The following HIGD1A variants were observed in gnomAD, a reference collection of about 807,000 sequenced individuals.
HIGD1A encodes the protein HIG1 hypoxia inducible domain family member 1A.
Under a neutral mutation model 11.3 loss-of-function variants are expected in HIGD1A, and 8 were observed. The observed-to-expected ratio is 0.71, with a 90% CI of 0.42 to 1.28. HIGD1A has a LOEUF of 1.28. Among genes scored for constraint, HIGD1A ranks in the 50% most tolerant of loss-of-function variants. HIGD1A has a pLI of 0.01. For synonymous variants in HIGD1A, 32 were observed against 38.4 expected (o/e 0.83, Z 0.62); for missense variants, 107 against 118.8 (o/e 0.90, Z 0.46).
At chr3:42,788,004 T>C (rs1700372580) in intron 2 of HIGD1A, among the ~76,000 whole-genome samples, 1 of 87,864 alleles carries the variant, frequency 1.1e-5, no homozygotes, top group East Asian at 3.6e-4. Flanking sequence ...AATCAAAACG[T>C]AAAACAACCA....
At chr3:42,804,143 C>A (rs749638396) in intron 1 of HIGD1A, 1 of 1,606,700 alleles carries the variant, frequency 6.2e-7, no homozygotes, top group South Asian at 1.1e-5. Flanking sequence ...ACCACCCCAT[C>A]AGCGAGTCTT....
intron 2 of HIGD1A, among the ~76,000 whole-genome samples, chr3:42,790,851 A>G (rs1355219407): frequency 1.3e-5 from 2 of 151,950 alleles, no homozygotes; most frequent in Non-Finnish European, 2.9e-5. Flanking sequence ...CCCAGACTAG[A>G]GTTCAGTGGG....
chr3:42,792,095 C>T (rs1185887871), intron 2 of HIGD1A, among the ~76,000 whole-genome samples: 1 of 152,128 alleles, frequency 6.6e-6, no homozygotes, highest in Non-Finnish European at 1.5e-5. Context: ...AAAACACTGA[C>T]AGACTGTGCA....
At chr3:42,800,543 ACT>A (rs1700543087) in intron 1 of HIGD1A, among the ~76,000 whole-genome samples, 1 of 148,634 alleles carries the variant, frequency 6.7e-6, no homozygotes. Context: ...CCCTTCAGAT[ACT>A]CTTTCCTAGC....
chr3:42,796,777 T>TCCCA (rs1700505134), intron 1 of HIGD1A, among the ~76,000 whole-genome samples: 1 of 152,042 alleles, frequency 6.6e-6, no homozygotes, highest in Non-Finnish European at 1.5e-5. Context: ...AGCCAGTTTA[T>TCCCA]TGATCTGGGT....
At chr3:42,795,487 T>A (rs1380530454) in intron 1 of HIGD1A, among the ~76,000 whole-genome samples, 1 of 152,104 alleles carries the variant, frequency 6.6e-6, no homozygotes, top group African/African-American at 2.4e-5. Context: ...GTGTTGGGAT[T>A]ACAGGCATGA....
rs1700313871 is a variant in HIGD1A, at chr3:42,783,942, G to A, written c.*1329C>T. 6.6e-6 allele frequency among the ~76,000 whole-genome samples: 1 copy of A among 152,082 alleles called. No individual in the cohort carries two copies. The highest frequency in any genetic ancestry group is 1.5e-5 in the Non-Finnish European group (1 of 68,018). ...TATACAAAAATTAGCCAGGCATGTT[G>A]GTGCATGCCTGTAATCACAGCTACT... On this transcript the variant is annotated 3_prime_UTR_variant, in exon 4 of 4. Transcript: ENST00000321331.
At chr3:42,787,594 A>AATATATATATATAT (rs1163603645) in intron 2 of HIGD1A, among the ~76,000 whole-genome samples, 4 of 141,246 alleles carry the variant, frequency 2.8e-5, no homozygotes, top group African/African-American at 1.0e-4. Flanking sequence ...CCATCTCAAA[A>AATATATATATATAT]ATATATATAT....
At chr3:42,785,511 A>G (rs2125923321) in intron 3 of HIGD1A, among the ~76,000 whole-genome samples, 191 bp from the exon 4 acceptor site, 1 of 152,336 alleles carries the variant, frequency 6.6e-6, no homozygotes, top group Middle Eastern at 3.4e-3. Flanking sequence ...TGTTACATAC[A>G]GTAGTTTCCC....
rs1700324389 is a variant in HIGD1A, at chr3:42,784,493, T to C, written c.*778A>G. ...AATCCATTATAGGTAATTTGTTCAG[T>C]TCAATGTTTACAATTCTTATGGAAA... On this transcript the variant is annotated 3_prime_UTR_variant, in exon 4 of 4. Transcript: ENST00000321331. The C allele has an allele frequency of 6.6e-6, 1 of 152,648 alleles. No homozygotes were observed. The highest frequency in any genetic ancestry group is 2.4e-5 in the African/African-American group (1 of 41,468). The allele number at this position is 152,648 out of a possible 1,614,324, so 9.5% of individuals were successfully genotyped here.
chr3:42,795,204 C>G (rs1428708967), intron 1 of HIGD1A, among the ~76,000 whole-genome samples: 1 of 144,592 alleles, frequency 6.9e-6, no homozygotes, highest in African/African-American at 2.6e-5. Context: ...AGCCACTGTG[C>G]CAGCTTATGA....
At chr3:42,804,089 G>T in intron 1 of HIGD1A, 4 of 1,403,634 alleles carry the variant, frequency 2.8e-6, no homozygotes, top group Non-Finnish European at 3.9e-6. Context: ...CTCGCTCCCC[G>T]CCGTCGGGCC....
At position 42,804,123 on chromosome 3, in the gene HIGD1A, G is replaced by A. The variant is rs1027211957; in HGVS notation, c.-23+313C>T. On this transcript the variant is annotated intron_variant, in intron 1 of 3. Transcript: ENST00000321331. The stretch of plus-strand genomic sequence containing the variant: ...CCCAGTCAACACCCTCCTGGCCCCC[G>A]TCTCTCATTACCACCCCATCAGCGA... 3 of 1,582,308 alleles carry A rather than the reference G, an allele frequency of 1.9e-6. No homozygotes were observed. In the African/African-American group the frequency reaches 4.1e-5, roughly 21 times the overall value.
At chr3:42,793,171 T>A (rs942964055) in intron 2 of HIGD1A, among the ~76,000 whole-genome samples, 5 of 152,206 alleles carry the variant, frequency 3.3e-5, no homozygotes, top group Non-Finnish European at 5.9e-5. Flanking sequence ...AAGGTAATTT[T>A]AAAATTCTCT....
intron 2 of HIGD1A, 24 bp downstream of exon 2, chr3:42,794,133 T>G (rs1700463367): frequency 1.9e-6 from 3 of 1,596,032 alleles, no homozygotes; most frequent in South Asian, 1.1e-5. Context: ...TATTCAAGAC[T>G]ACTAAAATGT....
At chr3:42,803,090 T>G (rs1700589044) in intron 1 of HIGD1A, among the ~76,000 whole-genome samples, 1 of 152,246 alleles carries the variant, frequency 6.6e-6, no homozygotes, top group Admixed American at 6.5e-5. Context: ...TATCGTTTTC[T>G]CATCCACCCA....
intron 1 of HIGD1A, among the ~76,000 whole-genome samples, chr3:42,796,743 A>T (rs1700504561): frequency 1.3e-5 from 2 of 152,084 alleles, no homozygotes; most frequent in Admixed American, 1.3e-4. Context: ...GTCAGTTCCT[A>T]GGTAGGGGAC....
Position 42,804,166 on chromosome 3 carries a change from A to G in HIGD1A, c.-23+270T>C. On this transcript the variant is annotated intron_variant, in intron 1 of 3. Coordinates refer to ENST00000321331, the MANE Select transcript of HIGD1A (RefSeq NM_014056.4). ...ATCAGCGAGTCTTCCCCGCTCGGCA[A>G]CTCACTCCACAAGCTTCTGCTCCAT... The G allele has an allele frequency of 8.1e-6, 13 of 1,608,390 alleles. No homozygotes were observed. In the South Asian group the frequency reaches 1.4e-4, roughly 18 times the overall value.
rs2125923099 is a variant in HIGD1A, at chr3:42,784,654, AAAACT to A, written c.*612_*616del. ...GCAAAAATATAATTTGCAATTACAA[AAAACT>A]AAACTAGAATCCTTAAATTATTCTC... On this transcript the variant is annotated 3_prime_UTR_variant, in exon 4 of 4. Coordinates refer to ENST00000321331, the MANE Select transcript of HIGD1A (RefSeq NM_014056.4). 6.5e-6 allele frequency: 1 copy of A among 152,808 alleles called. No homozygotes were observed. Among genetic ancestry groups the A allele is most frequent in the South Asian group, 2.1e-4 (1 of 4,832 alleles). 9.5% of individuals were successfully genotyped at this position (152,808 alleles called of 1,614,324 possible). A position where few individuals can be genotyped will look rare whatever the true frequency, so the allele number is the denominator to read the frequency against.
Sources: gnomAD v4.1 joint callset for allele counts (sites outside exome capture counted in the v4.1 genomes callset) on GRCh38, gnomAD v4.1.1 for gene constraint, MANE v1.5 for transcripts, NCBI Gene and HGNC (gene_info 2026-07-23, HGNC 2026-07-21) for gene names.